Variants in FOSL1 observed in about 807,000 individuals in gnomAD.
FOSL1 encodes FOS like 1, AP-1 transcription factor subunit.
A neutral mutation model predicts 24.9 loss-of-function variants in FOSL1; 14 were observed. The ratio of observed to expected loss-of-function variants is 0.56; its 90% CI spans 0.37 to 0.88. FOSL1 has a LOEUF of 0.88. Among genes scored for constraint, FOSL1 ranks in the 40% least tolerant of loss-of-function variants. The pLI is 0.00. For missense variants in FOSL1, 318 were observed against 359.8 expected, an observed-to-expected ratio of 0.88 and a Z score of 0.94; for synonymous variants, 133 against 145.1, an observed-to-expected ratio of 0.92 and a Z score of 0.60.
At position 65,892,566 on chromosome 11, in the gene FOSL1, G is replaced by C; in HGVS notation, c.*320C>G. The C allele has an allele frequency of 1.8e-6, 1 of 558,746 alleles. No individual in the cohort carries two copies. The highest frequency in any genetic ancestry group is 1.5e-5 in the South Asian group (1 of 65,462). 34.6% of individuals were successfully genotyped at this position (558,746 alleles called of 1,614,324 possible). A position where few individuals can be genotyped will look rare whatever the true frequency, so the allele number is the denominator to read the frequency against. ...TGGAGAGTGTGGCAGTGATCTGGAAGGGGTTAGGGCTCCAGAGGACCTCTA... is the reference window on the plus strand; with the variant it reads ...TGGAGAGTGTGGCAGTGATCTGGAACGGGTTAGGGCTCCAGAGGACCTCTA... On this transcript the variant is annotated 3_prime_UTR_variant, in exon 4 of 4. Coordinates refer to ENST00000312562, the MANE Select transcript of FOSL1 (RefSeq NM_005438.5).
At chr11:65,895,549 A>C (rs529217789) in intron 2 of FOSL1, among the ~76,000 whole-genome samples, 1 of 152,344 alleles carries the variant, frequency 6.6e-6, no homozygotes, top group East Asian at 1.9e-4. Context: ...ATTGAGTGAC[A>C]GGCCAGATGA....
At chr11:65,895,416 G>A (rs1860503460) in intron 2 of FOSL1, among the ~76,000 whole-genome samples, 1 of 152,100 alleles carries the variant, frequency 6.6e-6, no homozygotes, top group African/African-American at 2.4e-5. Context: ...GAGCCACCAT[G>A]CCTGGCCTTA....
intron 1 of FOSL1, 42 bp from the exon 2 acceptor site, chr11:65,897,048 G>T (rs1423894789): frequency 6.8e-7 from 1 of 1,465,408 alleles, no homozygotes; most frequent in Non-Finnish European, 9.6e-7. Flanking sequence ...AGGTCCGTGT[G>T]GATTGAGGGG....
chr11:65,894,129 T>C lies in FOSL1; in HGVS notation c.298-8A>G. The C allele has an allele frequency of 6.3e-7, 1 of 1,594,490 alleles. No homozygotes were observed. The highest frequency in any genetic ancestry group is 8.5e-7 in the Non-Finnish European group (1 of 1,173,742). On this transcript the variant is annotated splice_region_variant and splice_polypyrimidine_tract_variant and intron_variant, in intron 2 of 3. Transcript: ENST00000312562. ...CTCTTCCTCCGGGCTGATCTGGGGGTGAGACCCGCAGTGAGGAGGACCCTG... is the reference window on the plus strand; with the variant it reads ...CTCTTCCTCCGGGCTGATCTGGGGGCGAGACCCGCAGTGAGGAGGACCCTG...
intron 2 of FOSL1, 47 bp downstream of exon 2, chr11:65,896,762 G>A: frequency 1.4e-6 from 2 of 1,468,158 alleles, no homozygotes; most frequent in Non-Finnish European, 1.9e-6. Flanking sequence ...CTGCACCCTA[G>A]CACTCCTGGG....
At position 65,892,830 on chromosome 11, in the gene FOSL1, G is replaced by T; in HGVS notation, c.*56C>A. 1 of 1,558,070 alleles carries T rather than the reference G, an allele frequency of 6.4e-7. No individual in the cohort carries two copies. The highest frequency in any genetic ancestry group is 8.7e-7 in the Non-Finnish European group (1 of 1,143,656). Reference sequence around the variant, plus strand: ...GTCCAGGCCAGCTGGACCGGTGGGGGAAGGGGAGGAGACATTGGCTAGGGT... The same window carrying T: ...GTCCAGGCCAGCTGGACCGGTGGGGTAAGGGGAGGAGACATTGGCTAGGGT... On this transcript the variant is annotated 3_prime_UTR_variant, in exon 4 of 4. Transcript: ENST00000312562.
At position 65,892,853 on chromosome 11, in the gene FOSL1, G is replaced by C; in HGVS notation, c.*33C>G. 1 of 1,601,662 alleles carries C rather than the reference G, an allele frequency of 6.2e-7. No individual in the cohort carries two copies. The highest frequency in any genetic ancestry group is 8.5e-7 in the Non-Finnish European group (1 of 1,175,342). On this transcript the variant is annotated 3_prime_UTR_variant, in exon 4 of 4. Coordinates refer to ENST00000312562, the MANE Select transcript of FOSL1 (RefSeq NM_005438.5). ...GGGAAGGGGAGGAGACATTGGCTAG[G>C]GTGGCATCTGCAGGGAGTAGGGCTC...
chr11:65,896,930 A>G lies in FOSL1; in HGVS notation c.176T>C (p.Leu59Pro), dbSNP rs774090243. The G allele has an allele frequency of 6.2e-7, 1 of 1,614,146 alleles. No homozygotes were observed. Among genetic ancestry groups the G allele is most frequent in the Non-Finnish European group, 8.5e-7 (1 of 1,179,988 alleles). ...AGGCCTGGGGTAACTGCTGGGCCCC[A>G]GGAAATGAGGCTGTACCATCCACTG... Reference protein sequence around the residue: ...ELQWMVQPHFLGPSSYPRPLT... With the variant: ...ELQWMVQPHFPGPSSYPRPLT... The change falls in exon 2 of 4, where the codon CTG (leucine) becomes CCG (proline). Residue 59 changes from leucine (L) to proline (P), a missense_variant. By Grantham distance (98) the Leu-to-Pro change is moderately conservative. Coordinates refer to ENST00000312562, the MANE Select transcript of FOSL1 (RefSeq NM_005438.5).
intron 2 of FOSL1, among the ~76,000 whole-genome samples, chr11:65,895,082 G>A (rs1860491443): frequency 6.6e-6 from 1 of 150,426 alleles, no homozygotes; most frequent in Non-Finnish European, 1.5e-5. Flanking sequence ...TTACCAGGGG[G>A]AGTCACCACA....
chr11:65,895,248 C>T (rs78163657), intron 2 of FOSL1, among the ~76,000 whole-genome samples: 21,036 of 151,786 alleles, frequency 0.14, 1,951 homozygotes, highest in Admixed American at 0.3. Context: ...CTCAGCCTCC[C>T]GAGTAGCTGC....
At chr11:65,899,324 G>A (rs1860610997) in intron 1 of FOSL1, among the ~76,000 whole-genome samples, 1 of 152,204 alleles carries the variant, frequency 6.6e-6, no homozygotes, top group Admixed American at 6.5e-5. Context: ...AGGCACCGCC[G>A]GCGGCATCTC....
At chr11:65,894,750 G>A (rs1860480870) in intron 2 of FOSL1, among the ~76,000 whole-genome samples, 1 of 152,004 alleles carries the variant, frequency 6.6e-6, no homozygotes, top group African/African-American at 2.4e-5. Context: ...TCCACCTACT[G>A]GGTTCAAGTG....
At chr11:65,896,656 G>A (rs967452990) in intron 2 of FOSL1, among the ~76,000 whole-genome samples, 153 bp downstream of exon 2, 4 of 152,034 alleles carry the variant, frequency 2.6e-5, no homozygotes, top group South Asian at 2.1e-4. Context: ...TGGGCCTCCC[G>A]TGGGGCTCCT....
Position 65,893,431 on chromosome 11 carries a change from C to T in FOSL1, c.406-135G>A, listed in dbSNP as rs1245110726. 6.0e-6 allele frequency: 4 copies of T among 672,066 alleles called. No homozygotes were observed. In the South Asian group the frequency reaches 7.8e-5, roughly 13 times the overall value. 41.6% of individuals were successfully genotyped at this position (672,066 alleles called of 1,614,324 possible). A position where few individuals can be genotyped will look rare whatever the true frequency, so the allele number is the denominator to read the frequency against. Reference sequence around the variant, plus strand: ...GGGCAGTGGAGAGTCCCCAGCAAGTCTGGACTACAACTCCCATAAGCCCCT... The same window carrying T: ...GGGCAGTGGAGAGTCCCCAGCAAGTTTGGACTACAACTCCCATAAGCCCCT... On this transcript the variant is annotated intron_variant, in intron 3 of 3. Coordinates refer to ENST00000312562, the MANE Select transcript of FOSL1 (RefSeq NM_005438.5).
intron 1 of FOSL1, 33 bp from the exon 2 acceptor site, chr11:65,897,039 G>T: frequency 6.5e-7 from 1 of 1,549,520 alleles, no homozygotes; most frequent in Non-Finnish European, 8.9e-7. Context: ...CCACAGATGA[G>T]GTCCGTGTGG....
Position 65,892,920 on chromosome 11 carries a change from T to C in FOSL1, c.782A>G (p.Asp261Gly). Residue 261 changes from aspartate (D) to glycine (G), a missense_variant, in exon 4 of 4, where the codon GAC (aspartate) becomes GGC (glycine). Coordinates refer to ENST00000312562, the MANE Select transcript of FOSL1 (RefSeq NM_005438.5). ...GAGGAGGGTTGGAGAGCCAAGGGGG[T>C]CAGAGGATGGGTCTCCGCTGCTGCT... ...SSSSSGDPSS[D>G]PLGSPTLLAL 6.2e-7 allele frequency: 1 copy of C among 1,611,634 alleles called. No homozygotes were observed. The highest frequency in any genetic ancestry group is 8.5e-7 in the Non-Finnish European group (1 of 1,179,884).
At position 65,897,664 on chromosome 11, in the gene FOSL1, G is replaced by A. The variant is rs1022983130; in HGVS notation, c.100-658C>T. On this transcript the variant is annotated intron_variant, in intron 1 of 3. Transcript: ENST00000312562. ...CTAGTATCTTCATTTTCAGACGGGA[G>A]AACAGTTGTCCGCAGACACAGAGCC... 2.6e-5 allele frequency among the ~76,000 whole-genome samples: 4 copies of A among 152,178 alleles called. No individual in the cohort carries two copies. In the East Asian group the frequency reaches 7.7e-4, roughly 29 times the overall value.
At chr11:65,895,417 C>T (rs1422643424) in intron 2 of FOSL1, among the ~76,000 whole-genome samples, 1 of 152,168 alleles carries the variant, frequency 6.6e-6, no homozygotes, top group Admixed American at 6.5e-5. Flanking sequence ...AGCCACCATG[C>T]CTGGCCTTAA....
chr11:65,894,092 T>A lies in FOSL1; in HGVS notation c.327A>T (p.Arg109=), dbSNP rs1860464192. 6.2e-7 allele frequency: 1 copy of A among 1,609,228 alleles called. No homozygotes were observed. Among genetic ancestry groups the A allele is most frequent in the East Asian group, 2.2e-5 (1 of 44,860 alleles). ...CCAGCTTGTTCCGCTCGCGCCTTACTCGGCGGCGCTCCTCTTCCTCCGGGC... is the reference window on the plus strand; with the variant it reads ...CCAGCTTGTTCCGCTCGCGCCTTACACGGCGGCGCTCCTCTTCCTCCGGGC... The part of the protein sequence containing the change: ...QISPEEEERR[R]VRRERNKLAA... The change falls in exon 3 of 4, where the codon CGA becomes CGT. Residue 109 remains arginine, a synonymous_variant. Coordinates refer to ENST00000312562, the MANE Select transcript of FOSL1 (RefSeq NM_005438.5).
Sources: allele counts gnomAD v4.1 joint callset (sites outside exome capture counted in the v4.1 genomes callset), GRCh38; gene constraint gnomAD v4.1.1; transcripts MANE v1.5; gene names NCBI Gene and HGNC (gene_info 2026-07-23, HGNC 2026-07-21).